The following NLGN4X variants were observed in gnomAD, a reference collection of about 807,000 sequenced individuals.
NLGN4X encodes neuroligin 4 X-linked.
NLGN4X carries 3 observed loss-of-function variants against 40.3 expected under a neutral mutation model. The observed-to-expected ratio is 0.07, with a 90% CI of 0.03 to 0.19. NLGN4X has a LOEUF of 0.19. NLGN4X is among the 10% of genes least tolerant of loss of function. The pLI, the probability that NLGN4X is intolerant of heterozygous loss-of-function variation, is 1.00. For synonymous variants in NLGN4X, 270 were observed against 306.8 expected (o/e 0.88, Z 1.25); for missense variants, 382 against 708.3 (o/e 0.54, Z 5.23).
intron 4 of NLGN4X, among the ~76,000 whole-genome samples, chrX:5,904,259 A>C (rs911012135): frequency 9.0e-6 from 1 of 111,695 alleles, no homozygotes; most frequent in East Asian, 2.8e-4. Flanking sequence ...CAAGAAAAAA[A>C]ATGCTTTAAG....
At position 5,978,272 on chromosome X, in the gene NLGN4X, T is replaced by C. The variant is rs181309958; in HGVS notation, c.625+51008A>G. Among the ~76,000 whole-genome samples the C allele has an allele frequency of 6.0e-3, 122 of 20,300 alleles. 4 individuals carry two copies. The highest frequency in any genetic ancestry group is 0.023 in the African/African-American group (116 of 4,975). 17.6% of individuals were successfully genotyped at this position (20,300 alleles called of 115,157 possible). Reference sequence around the variant, plus strand: ...GAATTAAAAAGACAGGCGTCTCTTTTTTTCTTTCTTTCTTTCTTTCTTTCT... The same window carrying C: ...GAATTAAAAAGACAGGCGTCTCTTTCTTTCTTTCTTTCTTTCTTTCTTTCT... On this transcript the variant is annotated intron_variant, in intron 3 of 5. Coordinates refer to ENST00000381095, the MANE Select transcript of NLGN4X (RefSeq NM_181332.3).
intron 3 of NLGN4X, among the ~76,000 whole-genome samples, chrX:5,965,432 T>A (rs1004247176): frequency 8.9e-6 from 1 of 112,208 alleles, no homozygotes; most frequent in Non-Finnish European, 1.9e-5. Flanking sequence ...AGGCACTCTA[T>A]AGAATGTGCA....
At chrX:6,016,978 G>A (rs1346061595) in intron 3 of NLGN4X, among the ~76,000 whole-genome samples, 3 of 111,719 alleles carry the variant, frequency 2.7e-5, no homozygotes, top group African/African-American at 9.8e-5. Context: ...TGGGAGAGAA[G>A]AGGTATGGGA....
chrX:6,128,068 C>T (rs1483797643), intron 2 of NLGN4X, among the ~76,000 whole-genome samples: 2 of 111,045 alleles, frequency 1.8e-5, no homozygotes, highest in East Asian at 5.7e-4. Context: ...TCTTGGGTAG[C>T]AAGAGGCTAC....
chrX:5,951,716 G>A (rs1221961990), intron 3 of NLGN4X, among the ~76,000 whole-genome samples: 1 of 110,845 alleles, frequency 9.0e-6, no homozygotes, highest in Non-Finnish European at 1.9e-5. Flanking sequence ...AGGGACGAGG[G>A]TGCCCTCTGG....
intron 2 of NLGN4X, chrX:6,061,784 C>A (rs755348978): frequency 8.9e-6 from 1 of 111,940 alleles, no homozygotes; most frequent in Non-Finnish European, 1.9e-5. Context: ...CAGTTGACTA[C>A]CTCTCTGTCA....
chrX:5,911,145 T>C (rs2032456215), intron 3 of NLGN4X, among the ~76,000 whole-genome samples: 1 of 111,534 alleles, frequency 9.0e-6, no homozygotes. Flanking sequence ...CACAGGGCAA[T>C]GCTTTCTTCC....
At chrX:6,160,534 AT>A (rs35026118) in intron 1 of NLGN4X, among the ~76,000 whole-genome samples, 31,367 of 99,702 alleles carry the variant, frequency 0.31, 4,122 homozygotes, top group African/African-American at 0.43. Context: ...CTATAAAATA[AT>A]TTTTTTTTTT....
intron 3 of NLGN4X, among the ~76,000 whole-genome samples, chrX:5,914,639 T>C (rs1601877047): frequency 9.2e-6 from 1 of 108,703 alleles, no homozygotes; most frequent in Non-Finnish European, 1.9e-5. Flanking sequence ...TATATATGCA[T>C]ATATAACCAT....
At chrX:6,056,363 C>A (rs754409425) in intron 2 of NLGN4X, among the ~76,000 whole-genome samples, 10 of 110,322 alleles carry the variant, frequency 9.1e-5, no homozygotes, top group Non-Finnish European at 1.9e-4. Flanking sequence ...GTAGTCCCAG[C>A]TACTCGGAAG....
intron 3 of NLGN4X, among the ~76,000 whole-genome samples, chrX:5,936,682 A>C (rs1190996611): frequency 8.9e-6 from 1 of 112,253 alleles, no homozygotes; most frequent in African/African-American, 3.2e-5. Flanking sequence ...CGCACAGCTA[A>C]GAGACGTGAT....
intron 3 of NLGN4X, among the ~76,000 whole-genome samples, chrX:5,979,829 TATACAC>T (rs2035328145): frequency 5.7e-5 from 6 of 105,911 alleles, no homozygotes; most frequent in Admixed American, 1.0e-4. Flanking sequence ...TATACACACA[TATACAC>T]ACATCTATAC....
chrX:6,221,390 AT>A (rs1460154870), intron 1 of NLGN4X, among the ~76,000 whole-genome samples: 1 of 39,574 alleles, frequency 2.5e-5, no homozygotes, highest in African/African-American at 1.5e-4. Context: ...TCCTTCTTAT[AT>A]TATATATATA....
At chrX:5,936,701 T>C (rs1021130684) in intron 3 of NLGN4X, among the ~76,000 whole-genome samples, 2 of 112,260 alleles carry the variant, frequency 1.8e-5, no homozygotes, top group Admixed American at 1.9e-4. Context: ...ATAAAGCTTC[T>C]AAAGGAGTTC....
At chrX:5,922,363 CAAAG>C (rs2146823193) in intron 3 of NLGN4X, among the ~76,000 whole-genome samples, 1 of 111,193 alleles carries the variant, frequency 9.0e-6, no homozygotes, top group South Asian at 3.8e-4. Context: ...GTTCCCAACA[CAAAG>C]AAATGATAAA....
Position 6,050,987 on chromosome X carries a change from C to T in NLGN4X, c.473-21555G>A, listed in dbSNP as rs922612575. Among the ~76,000 whole-genome samples, 3 of 111,436 alleles carry T rather than the reference C, an allele frequency of 2.7e-5. No homozygotes were observed. The Admixed American group carries it at 2.9e-4, about 11-fold the overall frequency. ...TCCAGAAAAGGTGAAGGAGAGTCCC[C>T]ACAAGATGAGACCAGAGGATTGGGC... On this transcript the variant is annotated intron_variant, in intron 2 of 5. Transcript: ENST00000381095.
intron 2 of NLGN4X, among the ~76,000 whole-genome samples, chrX:6,047,015 T>C (rs1252411505): frequency 9.2e-6 from 1 of 108,812 alleles, no homozygotes; most frequent in Non-Finnish European, 1.9e-5. Flanking sequence ...CAATAAATAA[T>C]AGAATCATTT....
At chrX:6,106,581 T>G (rs1057443448) in intron 2 of NLGN4X, among the ~76,000 whole-genome samples, 9 of 111,927 alleles carry the variant, frequency 8.0e-5, no homozygotes, top group African/African-American at 2.6e-4. Flanking sequence ...GATTTTTTAT[T>G]GTCCCCCAGT....
intron 1 of NLGN4X, among the ~76,000 whole-genome samples, chrX:6,217,604 T>G (rs886720014): frequency 1.8e-5 from 2 of 111,793 alleles, no homozygotes; most frequent in African/African-American, 6.5e-5. Flanking sequence ...GAACCTAGAT[T>G]GTCAGAAGAT....
Sources: allele counts gnomAD v4.1 joint callset (sites outside exome capture counted in the v4.1 genomes callset), GRCh38; gene constraint gnomAD v4.1.1; transcripts MANE v1.5; gene names NCBI Gene and HGNC (gene_info 2026-07-23, HGNC 2026-07-21).